The following ANKFY1 variants were observed in gnomAD, a reference collection of about 807,000 sequenced individuals.
The protein encoded by ANKFY1 is ankyrin repeat and FYVE domain-containing protein 1.
Under a neutral mutation model 128.3 loss-of-function variants are expected in ANKFY1, and 47 were observed. The ratio of observed to expected loss-of-function variants is 0.37; its 90% CI spans 0.29 to 0.47. The LOEUF is 0.47. Ranked by LOEUF, ANKFY1 falls within the 20% of genes least tolerant of loss-of-function variation. The probability of loss-of-function intolerance (pLI) is 1.00; values close to 1 mark genes in which losing one functional copy is unlikely to be tolerated. For synonymous variants in ANKFY1, 553 were observed against 601.6 expected (o/e 0.92, Z 1.18); for missense variants, 1,222 against 1,510.6 (o/e 0.81, Z 3.17).
chr17:4,254,409 G>A (rs751219787), intron 1 of ANKFY1, among the ~76,000 whole-genome samples: 4 of 151,236 alleles, frequency 2.6e-5, no homozygotes, highest in Non-Finnish European at 4.4e-5. Flanking sequence ...TGAAGATGCT[G>A]TCCTTGAAGA....
rs562903134 is a variant in ANKFY1 at position 4,231,665 on chromosome 17, T to C, written c.322+4107A>G. ...GCTAAAATTCTCATAATCAAGGCTG[T>C]GTGCAGTGCCTCACACCTGTAATCC... On this transcript the variant is annotated intron_variant, in intron 3 of 24. Transcript: ENST00000341657. Among the ~76,000 whole-genome samples, 25 of 151,992 alleles carry C rather than the reference T, an allele frequency of 1.6e-4. No individual in the cohort carries two copies. The South Asian group carries it at 3.1e-3, about 19-fold the overall frequency.
intron 7 of ANKFY1, among the ~76,000 whole-genome samples, chr17:4,203,345 T>C (rs2059966236): frequency 6.6e-6 from 1 of 152,168 alleles, no homozygotes; most frequent in Admixed American, 6.5e-5. Context: ...AAAATATTCC[T>C]AACAAAAAAC....
Position 4,181,446 on chromosome 17 carries a change from T to TA in ANKFY1, c.2122-75dup, listed in dbSNP as rs1895065580. 1.0e-6 allele frequency: 1 copy of TA among 994,018 alleles called. No individual in the cohort carries two copies. Among genetic ancestry groups the TA allele is most frequent in the Non-Finnish European group, 1.6e-6 (1 of 622,508 alleles). The allele number at this position is 994,018 out of a possible 1,614,324, so 61.6% of individuals were successfully genotyped here. Reference sequence around the variant, plus strand: ...CAGTTTTATTACCAAGTCTGAGCTCTATGTATAGCATTAAATCCACTTTCA... The same window carrying TA: ...CAGTTTTATTACCAAGTCTGAGCTCTAATGTATAGCATTAAATCCACTTTCA... On this transcript the variant is annotated intron_variant, in intron 15 of 24. Coordinates refer to ENST00000341657, the MANE Select transcript of ANKFY1 (RefSeq NM_001330063.2). The surrounding 1 kb of genome is among the most constrained non-coding windows in gnomAD (Gnocchi z 4.9).
intron 3 of ANKFY1, among the ~76,000 whole-genome samples, chr17:4,235,180 TA>T (rs1431075722): frequency 6.6e-6 from 1 of 151,742 alleles, no homozygotes; most frequent in Non-Finnish European, 1.5e-5. Context: ...CTGTCTCTAC[TA>T]AAAATACAAA....
intron 10 of ANKFY1, 146 bp from the exon 11 acceptor site, chr17:4,189,625 CAGTAGGCCCACGCCAGAG>C (rs1567925504): frequency 1.4e-4 from 97 of 698,562 alleles, no homozygotes; most frequent in African/African-American, 1.3e-3. Flanking sequence ...CCACGCCAGA[CAGTAGGCCCACGCCAGAG>C]AGTAGGCCCA....
intron 5 of ANKFY1, among the ~76,000 whole-genome samples, chr17:4,208,889 G>T (rs1023061214): frequency 6.6e-6 from 1 of 151,996 alleles, no homozygotes; most frequent in Non-Finnish European, 1.5e-5. Context: ...AGAAACCCCC[G>T]TCTCTACTAA....
intron 1 of ANKFY1, among the ~76,000 whole-genome samples, chr17:4,261,433 T>C (rs1348154135): frequency 2.0e-5 from 3 of 152,142 alleles, no homozygotes; most frequent in East Asian, 3.9e-4. Context: ...TGAGCCAAGA[T>C]TGCGCTATTG....
chr17:4,202,981 C>CATATATATATATATATATATAT (rs56774221), intron 7 of ANKFY1, among the ~76,000 whole-genome samples: 29 of 146,290 alleles, frequency 2.0e-4, no homozygotes, highest in African/African-American at 6.7e-4. Context: ...TAATCATACA[C>CATATATATATATATATATATAT]ATATATATAT....
chr17:4,173,224 C>A, intron 21 of ANKFY1, 130 bp downstream of exon 21: 1 of 755,140 alleles, frequency 1.3e-6, no homozygotes, highest in Non-Finnish European at 2.2e-6. Flanking sequence ...ATAAAGTACC[C>A]GAAGCTGGTG....
At chr17:4,226,292 TG>T (rs2060423459) in intron 3 of ANKFY1, among the ~76,000 whole-genome samples, 2 of 151,878 alleles carry the variant, frequency 1.3e-5, no homozygotes, top group Admixed American at 1.3e-4. Flanking sequence ...GAGGCCGAGG[TG>T]GGAAGATAAT....
chr17:4,247,331 T>C (rs1017330656), intron 1 of ANKFY1, among the ~76,000 whole-genome samples: 13 of 152,188 alleles, frequency 8.5e-5, no homozygotes, highest in Admixed American at 6.5e-4. Flanking sequence ...TCTACAGAAT[T>C]CCTGATTCAA....
At chr17:4,199,970 T>C (rs1351875224) in intron 7 of ANKFY1, among the ~76,000 whole-genome samples, 1 of 152,104 alleles carries the variant, frequency 6.6e-6, no homozygotes, top group East Asian at 1.9e-4. Flanking sequence ...TACAAAGGCT[T>C]GGGGCATCAC....
chr17:4,213,081 C>A (rs1207242947), intron 4 of ANKFY1, among the ~76,000 whole-genome samples: 1 of 152,096 alleles, frequency 6.6e-6, no homozygotes, highest in Non-Finnish European at 1.5e-5. Flanking sequence ...CACCTCACAA[C>A]ACACTTTCAA....
intron 3 of ANKFY1, among the ~76,000 whole-genome samples, chr17:4,229,965 ATTTGTGAGCATATTCTTTTTTACTCCTT>A (rs1419415086): frequency 1.3e-5 from 2 of 152,242 alleles, no homozygotes; most frequent in African/African-American, 4.8e-5. Context: ...ATAGCAAAGA[ATTTGTGAGCATATTCTTTTTTACTCCTT>A]TTTGTGAGCA....
intron 18 of ANKFY1, chr17:4,177,953 AC>A (rs1359975010): frequency 6.6e-6 from 1 of 152,198 alleles, no homozygotes; most frequent in Non-Finnish European, 1.5e-5. Flanking sequence ...AGCGAGGGCG[AC>A]CCCAGTGCCA....
At chr17:4,244,432 G>C (rs1245396394) in intron 1 of ANKFY1, among the ~76,000 whole-genome samples, 1 of 152,152 alleles carries the variant, frequency 6.6e-6, no homozygotes, top group African/African-American at 2.4e-5. Flanking sequence ...GGAGTCTTGA[G>C]AAGGGATGAG....
At chr17:4,216,696 T>C (rs1288362476) in intron 4 of ANKFY1, 13 of 403,336 alleles carry the variant, frequency 3.2e-5, no homozygotes, top group South Asian at 4.7e-5. Context: ...AGCTGAAAGT[T>C]TGGACATTGG....
intron 1 of ANKFY1, among the ~76,000 whole-genome samples, chr17:4,253,748 T>C (rs1967962747): frequency 6.6e-6 from 1 of 152,170 alleles, no homozygotes; most frequent in South Asian, 2.1e-4. Context: ...ACTTCACTGG[T>C]AGTATCTTGA....
chr17:4,256,390 T>G (rs1316746737), intron 1 of ANKFY1, among the ~76,000 whole-genome samples: 1 of 152,062 alleles, frequency 6.6e-6, no homozygotes, highest in East Asian at 1.9e-4. Flanking sequence ...ATCGCACCAC[T>G]GCACTCCAGC....
Sources: allele counts gnomAD v4.1 joint callset (sites outside exome capture counted in the v4.1 genomes callset), GRCh38; gene constraint gnomAD v4.1.1; non-coding constraint Gnocchi (gnomAD v3.1); transcripts MANE v1.5; gene names NCBI Gene and HGNC (gene_info 2026-07-23, HGNC 2026-07-21).